The following CSMD3 variants were observed in gnomAD, a reference collection of about 807,000 sequenced individuals.
The protein encoded by CSMD3 is CUB and sushi domain-containing protein 3.
CSMD3 carries 177 observed loss-of-function variants against 435.2 expected under a neutral mutation model. The ratio of observed to expected loss-of-function variants is 0.41; its 90% CI spans 0.36 to 0.46. The LOEUF (loss-of-function observed/expected upper bound fraction) is 0.46. Ranked by LOEUF, CSMD3 falls within the 20% of genes least tolerant of loss-of-function variation. The probability of loss-of-function intolerance (pLI) is 0.34; values close to 1 mark genes in which losing one functional copy is unlikely to be tolerated. For missense variants in CSMD3, 4,265 were observed against 4,504.6 expected (o/e 0.95, Z 1.52); for synonymous variants, 1,656 against 1,520.5 (o/e 1.09, Z -2.07).
chr8:113,394,759 ACT>A (rs2094475642), intron 1 of CSMD3, among the ~76,000 whole-genome samples: 1 of 152,098 alleles, frequency 6.6e-6, no homozygotes, highest in Non-Finnish European at 1.5e-5. Flanking sequence ...AAAGACATAG[ACT>A]CTGCATTCAA....
chr8:112,527,633 A>T (rs1825107701), intron 27 of CSMD3, among the ~76,000 whole-genome samples: 1 of 151,576 alleles, frequency 6.6e-6, no homozygotes, highest in Admixed American at 6.6e-5. Context: ...TGCACAAGGT[A>T]TTTTTTTTAA....
At chr8:112,890,890 C>T (rs1279186332) in intron 10 of CSMD3, among the ~76,000 whole-genome samples, 1 of 151,568 alleles carries the variant, frequency 6.6e-6, no homozygotes, top group African/African-American at 2.4e-5. Context: ...TTCAGAATTT[C>T]TGAGAGCTAA....
chr8:112,245,083 T>G (rs1748805256), intron 64 of CSMD3, among the ~76,000 whole-genome samples: 2 of 152,194 alleles, frequency 1.3e-5, no homozygotes, highest in South Asian at 4.1e-4. Context: ...ATTATATTGC[T>G]CTGGTATTAA....
intron 16 of CSMD3, among the ~76,000 whole-genome samples, chr8:112,676,243 C>CG (rs1404499296): frequency 2.6e-5 from 4 of 151,836 alleles, no homozygotes; most frequent in Non-Finnish European, 4.4e-5. Flanking sequence ...TGAGAGACAG[C>CG]GGCATGTAGA....
intron 1 of CSMD3, among the ~76,000 whole-genome samples, chr8:113,357,947 C>A (rs1351798213): frequency 4.6e-5 from 7 of 152,166 alleles, no homozygotes; most frequent in African/African-American, 1.7e-4. Flanking sequence ...GCCAATTAAA[C>A]CTCTTTTCTT....
intron 45 of CSMD3, among the ~76,000 whole-genome samples, chr8:112,323,599 T>C (rs1163655038): frequency 6.6e-6 from 1 of 152,114 alleles, no homozygotes; most frequent in Non-Finnish European, 1.5e-5. Flanking sequence ...GTTCAAACTG[T>C]AGTGATTCAT....
At chr8:112,419,570 T>C (rs1263595478) in intron 32 of CSMD3, among the ~76,000 whole-genome samples, 1 of 152,194 alleles carries the variant, frequency 6.6e-6, no homozygotes, top group East Asian at 1.9e-4. Flanking sequence ...CTTTGTGTGA[T>C]ACTTTTGTCA....
At chr8:113,036,866 AC>A (rs1222322589) in intron 5 of CSMD3, among the ~76,000 whole-genome samples, 1 of 152,044 alleles carries the variant, frequency 6.6e-6, no homozygotes, top group Admixed American at 6.6e-5. Flanking sequence ...TCGTTTTCTC[AC>A]TTCTTTACAT....
At chr8:112,770,547 A>C in intron 13 of CSMD3, among the ~76,000 whole-genome samples, 1 of 152,004 alleles carries the variant, frequency 6.6e-6, no homozygotes, top group East Asian at 1.9e-4. Context: ...GAACGGACTA[A>C]GACAACCACA....
intron 24 of CSMD3, among the ~76,000 whole-genome samples, chr8:112,570,271 A>G (rs966907055): frequency 1.3e-5 from 2 of 152,216 alleles, no homozygotes; most frequent in African/African-American, 4.8e-5. Context: ...GTAAAAAGAT[A>G]CAATTGAACT....
At chr8:113,245,613 T>A (rs956381837) in intron 3 of CSMD3, among the ~76,000 whole-genome samples, 3 of 152,062 alleles carry the variant, frequency 2.0e-5, no homozygotes, top group African/African-American at 7.2e-5. Flanking sequence ...CAGAGTTTCT[T>A]AATTAATGCT....
chr8:112,906,975 T>C (rs1214666423), intron 10 of CSMD3, among the ~76,000 whole-genome samples: 4 of 151,732 alleles, frequency 2.6e-5, no homozygotes, highest in African/African-American at 7.2e-5. Flanking sequence ...AATGTTTGAC[T>C]ATAAAGAAAA....
intron 13 of CSMD3, among the ~76,000 whole-genome samples, chr8:112,734,850 A>C (rs1280150525): frequency 1.3e-5 from 2 of 152,028 alleles, no homozygotes; most frequent in Non-Finnish European, 1.5e-5. Context: ...AATTCATAAG[A>C]GAAAAAACAT....
At chr8:112,445,628 C>T (rs920806050) in intron 32 of CSMD3, among the ~76,000 whole-genome samples, 7 of 152,144 alleles carry the variant, frequency 4.6e-5, no homozygotes, top group African/African-American at 7.2e-5. Flanking sequence ...GACCTAATCA[C>T]CTCCCACCAG....
At chr8:112,253,426 G>A (rs1170736052) in intron 63 of CSMD3, among the ~76,000 whole-genome samples, 5 of 151,874 alleles carry the variant, frequency 3.3e-5, no homozygotes, top group African/African-American at 1.2e-4. Context: ...GTAGATAAAT[G>A]GAAACTATTT....
chr8:112,842,078 A>G (rs1262250546), intron 11 of CSMD3, among the ~76,000 whole-genome samples: 1 of 151,826 alleles, frequency 6.6e-6, no homozygotes, highest in Non-Finnish European at 1.5e-5. Flanking sequence ...TGGGTAACAC[A>G]GGTATAATAT....
chr8:113,332,568 C>T (rs866092709), intron 1 of CSMD3, among the ~76,000 whole-genome samples: 2 of 151,310 alleles, frequency 1.3e-5, no homozygotes, highest in East Asian at 1.9e-4. Context: ...ATATATTTAA[C>T]GAGAGAAGCA....
intron 3 of CSMD3, among the ~76,000 whole-genome samples, chr8:113,277,368 T>G (rs992718108): frequency 2.6e-5 from 4 of 151,938 alleles, no homozygotes; most frequent in Admixed American, 6.6e-5. Context: ...AGAAAAGTAT[T>G]AGGTAGAAAA....
chr8:113,020,899 A>G (rs1425274682), intron 5 of CSMD3, among the ~76,000 whole-genome samples: 1 of 152,142 alleles, frequency 6.6e-6, no homozygotes, highest in East Asian at 1.9e-4. Context: ...CCCTCTAACC[A>G]ATACTCTTCA....
Sources: allele counts gnomAD v4.1 joint callset (sites outside exome capture counted in the v4.1 genomes callset), GRCh38; gene constraint gnomAD v4.1.1; transcripts MANE v1.5; gene names NCBI Gene and HGNC (gene_info 2026-07-23, HGNC 2026-07-21).